The following NRG1 variants were observed in gnomAD, a reference collection of about 807,000 sequenced individuals.
NRG1 encodes pro-neuregulin-1, membrane-bound isoform.
NRG1 carries 18 observed loss-of-function variants against 63.8 expected under a neutral mutation model. The observed-to-expected ratio is 0.28, with a 90% CI of 0.19 to 0.42. NRG1 has a LOEUF of 0.42. Ranked by LOEUF, NRG1 falls within the 10% of genes least tolerant of loss-of-function variation. The pLI is 1.00. For synonymous variants in NRG1, 302 were observed against 301.3 expected, an observed-to-expected ratio of 1.00 and a Z score of -0.02; for missense variants, 762 against 814.7, an observed-to-expected ratio of 0.94 and a Z score of 0.79.
intron 1 of NRG1, among the ~76,000 whole-genome samples, chr8:31,913,897 TC>T (rs1833153183): frequency 6.6e-6 from 1 of 152,202 alleles, no homozygotes; most frequent in African/African-American, 2.4e-5. Flanking sequence ...TGATTTTCCA[TC>T]TTCCTTGAGT....
intron 1 of NRG1, among the ~76,000 whole-genome samples, chr8:32,365,497 T>C (rs992377066): frequency 6.6e-6 from 1 of 152,194 alleles, no homozygotes; most frequent in African/African-American, 2.4e-5. Context: ...TATACTTTTA[T>C]GGGTTCTTTT....
chr8:31,735,910 GC>G (rs1814619473), intron 1 of NRG1, among the ~76,000 whole-genome samples: 1 of 152,078 alleles, frequency 6.6e-6, no homozygotes, highest in African/African-American at 2.4e-5. Context: ...CACTTTAACT[GC>G]TACCATCCGT....
At chr8:31,700,540 C>G (rs1170687889) in intron 1 of NRG1, among the ~76,000 whole-genome samples, 1 of 152,136 alleles carries the variant, frequency 6.6e-6, no homozygotes, top group Non-Finnish European at 1.5e-5. Context: ...TAATCACAAA[C>G]TCCTAGATAT....
intron 1 of NRG1, among the ~76,000 whole-genome samples, chr8:31,921,477 T>TACACAC (rs10557313): frequency 1.2e-4 from 18 of 150,804 alleles, no homozygotes; most frequent in African/African-American, 4.4e-4. Context: ...TACACACACA[T>TACACAC]ACACACACAC....
intron 1 of NRG1, among the ~76,000 whole-genome samples, chr8:32,085,987 T>C (rs1271685182): frequency 6.6e-6 from 1 of 152,182 alleles, no homozygotes; most frequent in Non-Finnish European, 1.5e-5. Context: ...CCGTGCTCCT[T>C]AGTAGAAGAG....
rs112097501 is a variant in NRG1, at chr8:32,643,567, A to T, written c.502+26682A>T. Reference sequence around the variant, plus strand: ...CTCACCTGCAGCACCAGCTGACGTCAAATGAAGCGGAAGAACCACTCAGCT... The same window carrying T: ...CTCACCTGCAGCACCAGCTGACGTCTAATGAAGCGGAAGAACCACTCAGCT... On this transcript the variant is annotated intron_variant, in intron 5 of 11. Transcript: ENST00000356819. Among the ~76,000 whole-genome samples, 47 of 152,290 alleles carry T rather than the reference A, an allele frequency of 3.1e-4. 2 individuals are homozygous for T. Among genetic ancestry groups the T allele is most frequent in the African/African-American group, 1.1e-3 (45 of 41,554 alleles).
chr8:32,172,693 G>A (rs1369490357), intron 1 of NRG1, among the ~76,000 whole-genome samples: 1 of 152,202 alleles, frequency 6.6e-6, no homozygotes, highest in Non-Finnish European at 1.5e-5. Context: ...CGTGATGAAT[G>A]CACAAGCCTC....
At chr8:32,702,349 C>T (rs758553842) in intron 5 of NRG1, among the ~76,000 whole-genome samples, 30 of 152,316 alleles carry the variant, frequency 2.0e-4, no homozygotes, top group African/African-American at 2.6e-4. Flanking sequence ...GCCTAATAGG[C>T]ATACGTAAAA....
chr8:32,748,109 C>T (rs1255727498), intron 7 of NRG1, among the ~76,000 whole-genome samples: 1 of 152,094 alleles, frequency 6.6e-6, no homozygotes, highest in Admixed American at 6.6e-5. Context: ...CTTTTTCCCT[C>T]TCTATATGAG....
intron 1 of NRG1, among the ~76,000 whole-genome samples, chr8:31,993,037 G>T (rs1055441351): frequency 5.9e-5 from 9 of 152,000 alleles, no homozygotes; most frequent in African/African-American, 1.4e-4. Flanking sequence ...CAGAAGGATT[G>T]TAAGAATTAG....
intron 1 of NRG1, among the ~76,000 whole-genome samples, chr8:32,135,668 C>A (rs1326790670): frequency 6.6e-6 from 1 of 151,936 alleles, no homozygotes; most frequent in Non-Finnish European, 1.5e-5. Flanking sequence ...TTTGAGATAT[C>A]TTCTGAGTAT....
intron 5 of NRG1, among the ~76,000 whole-genome samples, chr8:32,670,398 T>C (rs566609223): frequency 2.6e-5 from 4 of 152,146 alleles, no homozygotes; most frequent in African/African-American, 7.2e-5. Flanking sequence ...CTCTTCTTCA[T>C]TGAGTTTTCC....
intron 1 of NRG1, among the ~76,000 whole-genome samples, chr8:32,285,648 G>C (rs1430135020): frequency 6.6e-6 from 1 of 152,164 alleles, no homozygotes; most frequent in Admixed American, 6.5e-5. Flanking sequence ...TGTCTACTTG[G>C]AGTAGGGGGT....
intron 1 of NRG1, among the ~76,000 whole-genome samples, chr8:32,009,730 T>C (rs1814426487): frequency 6.6e-6 from 1 of 152,028 alleles, no homozygotes; most frequent in Non-Finnish European, 1.5e-5. Flanking sequence ...CCATTGTTTA[T>C]AGATTTGCTT....
At chr8:32,035,367 A>G (rs1818874143) in intron 1 of NRG1, among the ~76,000 whole-genome samples, 1 of 151,960 alleles carries the variant, frequency 6.6e-6, no homozygotes, top group African/African-American at 2.4e-5. Context: ...CAATTATTTG[A>G]TCATTTTTAG....
intron 1 of NRG1, among the ~76,000 whole-genome samples, chr8:32,420,469 A>G (rs910409544): frequency 1.3e-5 from 2 of 151,798 alleles, no homozygotes; most frequent in African/African-American, 2.4e-5. Context: ...GGTTCTTTAA[A>G]TGTGCCTTTT....
At chr8:32,565,322 G>A (rs1347144611) in intron 1 of NRG1, among the ~76,000 whole-genome samples, 1 of 151,998 alleles carries the variant, frequency 6.6e-6, no homozygotes, top group Non-Finnish European at 1.5e-5. Flanking sequence ...ATAGAGTCTT[G>A]CTGTTTTCTA....
At chr8:32,029,265 T>G (rs1471234645) in intron 1 of NRG1, 1 of 152,230 alleles carries the variant, frequency 6.6e-6, no homozygotes, top group Admixed American at 6.5e-5. Flanking sequence ...ACTAATGAAA[T>G]TTTGAGTTGC....
chr8:31,752,181 C>T (rs190503101), intron 1 of NRG1, among the ~76,000 whole-genome samples: 23 of 152,130 alleles, frequency 1.5e-4, no homozygotes, highest in Non-Finnish European at 2.6e-4. Flanking sequence ...AGGAAGATGA[C>T]TGTTTTGTGG....
Sources: gnomAD v4.1 joint callset for allele counts (sites outside exome capture counted in the v4.1 genomes callset) on GRCh38, gnomAD v4.1.1 for gene constraint, MANE v1.5 for transcripts, NCBI Gene and HGNC (gene_info 2026-07-23, HGNC 2026-07-21) for gene names.